The following CCDC180 variants were observed in gnomAD, a reference collection of about 807,000 sequenced individuals.
CCDC180 encodes coiled-coil domain-containing protein 180.
A neutral mutation model predicts 209.2 loss-of-function variants in CCDC180; 154 were observed. The ratio of observed to expected loss-of-function variants is 0.74; its 90% CI spans 0.65 to 0.84. The LOEUF (loss-of-function observed/expected upper bound fraction) is 0.84. Ranked by LOEUF, CCDC180 falls within the 40% of genes least tolerant of loss-of-function variation. The pLI is 0.00. For synonymous variants in CCDC180, 778 were observed against 749.1 expected, an observed-to-expected ratio of 1.04 and a Z score of -0.63; for missense variants, 1,874 against 1,997.3, an observed-to-expected ratio of 0.94 and a Z score of 1.18.
rs1833545225 is a variant in CCDC180 at position 97,326,688 on chromosome 9, A to G, written c.1661+19A>G. Reference sequence around the variant, plus strand: ...AATCCAGGTAGGCCAACCAGACTCCAGAAGGCAGGAAGGGATGGTCAGGAA... The same window carrying G: ...AATCCAGGTAGGCCAACCAGACTCCGGAAGGCAGGAAGGGATGGTCAGGAA... On this transcript the variant is annotated intron_variant, in intron 15 of 36. Coordinates refer to ENST00000529487, the MANE Select transcript of CCDC180 (RefSeq NM_020893.6). 2.7e-6 allele frequency: 4 copies of G among 1,475,778 alleles called. No individual in the cohort carries two copies. The highest frequency in any genetic ancestry group is 3.8e-6 in the Non-Finnish European group (4 of 1,053,862). The allele number at this position is 1,475,778 out of a possible 1,614,324, so 91.4% of individuals were successfully genotyped here. A position where few individuals can be genotyped will look rare whatever the true frequency, so the allele number is the denominator to read the frequency against.
chr9:97,330,716 G>C lies in CCDC180; in HGVS notation c.2223G>C (p.Glu741Asp). ...EEEEEEKLEE[E>D]KEEKEAQEEQ... Reference sequence around the variant, plus strand: ...AGGAGGAGGAGAAGCTGGAGGAAGAGAAGGAGGAGAAGGAGGCACAGGAAG... The same window carrying C: ...AGGAGGAGGAGAAGCTGGAGGAAGACAAGGAGGAGAAGGAGGCACAGGAAG... Residue 741 changes from glutamate (E) to aspartate (D), a missense_variant, in exon 18 of 37, where the codon GAG becomes GAC. Coordinates refer to ENST00000529487, the MANE Select transcript of CCDC180 (RefSeq NM_020893.6). 1 of 1,605,396 alleles carries C rather than the reference G, an allele frequency of 6.2e-7. No individual in the cohort carries two copies. The highest frequency in any genetic ancestry group is 1.1e-5 in the South Asian group (1 of 90,908).
Position 97,354,586 on chromosome 9 carries a change from G to A in CCDC180, c.3020G>A (p.Gly1007Asp), listed in dbSNP as rs958113186. 12 of 1,614,048 alleles carry A rather than the reference G, an allele frequency of 7.4e-6. No individual in the cohort carries two copies. Among genetic ancestry groups the A allele is most frequent in the Admixed American group, 3.3e-5 (2 of 60,006 alleles). Residue 1007 changes from glycine (G) to aspartate (D), a missense_variant, in exon 23 of 37, where the codon GGC becomes GAC. Transcript: ENST00000529487. ...ATTTTCAGATTGTTTTCAGAGGGAG[G>A]CAACTTTTCTCCTAAAGAAATCAAT... ...IKHCRLFSEG[G>D]NFSPKEINSL...
chr9:97,350,566 G>A lies in CCDC180; in HGVS notation c.3002+11G>A, dbSNP rs1160355920. 3.9e-6 allele frequency: 6 copies of A among 1,536,212 alleles called. No homozygotes were observed. The Admixed American group carries it at 7.8e-5, about 20-fold the overall frequency. On this transcript the variant is annotated intron_variant, in intron 22 of 36. Coordinates refer to ENST00000529487, the MANE Select transcript of CCDC180 (RefSeq NM_020893.6). Reference sequence around the variant, plus strand: ...CATCAAACACTGCAGGTGGGAGCCAGTGTCCAGGGCCTCTTCAGGCCACCT... The same window carrying A: ...CATCAAACACTGCAGGTGGGAGCCAATGTCCAGGGCCTCTTCAGGCCACCT...
At chr9:97,363,754 T>C in intron 28 of CCDC180, 2 of 530,866 alleles carry the variant, frequency 3.8e-6, no homozygotes, top group Non-Finnish European at 3.7e-6. Context: ...TGGGTCCTCA[T>C]CACGGGGAAG....
rs755111766 is a variant in CCDC180, at chr9:97,343,434, C to T, written c.2369C>T (p.Pro790Leu). The change falls in exon 19 of 37, where the codon CCC becomes CTC. Residue 790 changes from proline to leucine, a missense_variant. By Grantham distance (98) the Pro-to-Leu change is moderately conservative (BLOSUM62 -3). Coordinates refer to ENST00000529487, the MANE Select transcript of CCDC180 (RefSeq NM_020893.6). ...GGAAACACTTATTTTGTCTTTGTAC[C>T]CCTGGAAGAAGAGCATTGTAGGAAG... ...SSGNTYFVFVPLEEEHCRKSH... is the reference protein window; with the variant it reads ...SSGNTYFVFVLLEEEHCRKSH... 2 of 1,613,582 alleles carry T rather than the reference C, an allele frequency of 1.2e-6. No individual in the cohort carries two copies. The highest frequency in any genetic ancestry group is 1.3e-5 in the African/African-American group (1 of 74,844).
In CCDC180 at chr9:97,326,607, C is replaced by CA. The variant is rs1160827030; in HGVS notation, c.1602dup (p.Glu535ArgfsTer22). 86 of 1,613,810 alleles carry CA rather than the reference C, an allele frequency of 5.3e-5. 1 individual carries two copies. The Admixed American group carries it at 1.3e-3, about 24-fold the overall frequency. On this transcript the variant is annotated frameshift_variant, in exon 15 of 37. Transcript: ENST00000529487. LOFTEE classifies it high-confidence loss of function. ...TGGACCAACTGAGGCAGCAAAGTGACAAAGAAACACTGGCGTTTCACCTGG... is the reference window on the plus strand; with the variant it reads ...TGGACCAACTGAGGCAGCAAAGTGACAAAAGAAACACTGGCGTTTCACCTGG...
intron 28 of CCDC180, chr9:97,363,538 C>T (rs752155897): frequency 1.9e-5 from 10 of 516,050 alleles, no homozygotes; most frequent in Non-Finnish European, 4.0e-5. Flanking sequence ...CTAGGGCTGC[C>T]AGATAAAAGA....
rs775007694 is a variant in CCDC180, at chr9:97,354,624, C to T, written c.3058C>T (p.Arg1020Ter). The T allele has an allele frequency of 2.3e-5, 37 of 1,614,154 alleles. No homozygotes were observed. The highest frequency in any genetic ancestry group is 2.9e-5 in the Non-Finnish European group (34 of 1,179,994). Residue 1020 changes from arginine (R) to a stop codon, truncating the protein, a stop_gained, in exon 23 of 37, where the codon CGA (arginine) becomes TGA (stop). Transcript: ENST00000529487. LOFTEE classifies it high-confidence loss of function. Reference protein sequence around the residue: ...SPKEINSLCSRLEKEAARIEL... With the variant: ...SPKEINSLCS ...TAAAGAAATCAATTCACTGTGTTCC[C>T]GACTGGAGAAGGAAGCTGCCCGGAT...
intron 19 of CCDC180, 99 bp downstream of exon 19, chr9:97,343,662 G>A: frequency 1.1e-6 from 1 of 947,808 alleles, no homozygotes; most frequent in Admixed American, 2.8e-5. Flanking sequence ...GTATCAGTTG[G>A]ATAAAGAAAA....
At chr9:97,368,427 G>A (rs1826986364) in intron 31 of CCDC180, among the ~76,000 whole-genome samples, 1 of 152,156 alleles carries the variant, frequency 6.6e-6, no homozygotes, top group African/African-American at 2.4e-5. Flanking sequence ...GCCACCTATA[G>A]CTGGAACCCA....
Position 97,376,812 on chromosome 9 carries a change from G to A in CCDC180, c.4892G>A (p.Cys1631Tyr). The stretch of plus-strand genomic sequence containing the variant: ...GAGCTAAAGAGGATCCAGGATGACT[G>A]TACATCTCAGATAAAGGAGGCTCAG... ...EEELKRIQDD[C>Y]TSQIKEAQRW... Residue 1631 changes from cysteine to tyrosine, a missense_variant, in exon 37 of 37, where the codon TGT becomes TAT. Cys to Tyr is a radical substitution (Grantham distance 194). Coordinates refer to ENST00000529487, the MANE Select transcript of CCDC180 (RefSeq NM_020893.6). 1 of 1,613,532 alleles carries A rather than the reference G, an allele frequency of 6.2e-7. No homozygotes were observed. The highest frequency in any genetic ancestry group is 8.5e-7 in the Non-Finnish European group (1 of 1,179,960).
At chr9:97,315,043 G>T (rs1833118860) in intron 8 of CCDC180, 97 bp downstream of exon 8, 2 of 870,616 alleles carry the variant, frequency 2.3e-6, no homozygotes, top group African/African-American at 1.7e-5. Context: ...TCTCAGGAAT[G>T]GTGGGCTTCT....
rs772898541 is a variant in CCDC180, at chr9:97,357,621, T to A, written c.3265-6T>A. 1 of 1,606,964 alleles carries A rather than the reference T, an allele frequency of 6.2e-7. No homozygotes were observed. Among genetic ancestry groups the A allele is most frequent in the African/African-American group, 1.3e-5 (1 of 74,786 alleles). On this transcript the variant is annotated splice_region_variant and splice_polypyrimidine_tract_variant and intron_variant, in intron 24 of 36. Transcript: ENST00000529487. The stretch of plus-strand genomic sequence containing the variant: ...AAACAAAATCTCGGAACCTCTGGTT[T>A]TCTAGGTGGCAAAATCCAATTCGCA...
rs767923864 is a variant in CCDC180, at chr9:97,362,444, AG to A, written c.3902+5del. On this transcript the variant is annotated splice_donor_region_variant and intron_variant, in intron 28 of 36. Transcript: ENST00000529487. ...GCCAGTGCTACCTCTGCAGGCAGGTAGGACACAAAGCAGCCAGAATCGCCCC... is the reference window on the plus strand; with the variant it reads ...GCCAGTGCTACCTCTGCAGGCAGGTAGACACAAAGCAGCCAGAATCGCCCC... 1.1e-4 allele frequency: 173 copies of A among 1,612,532 alleles called. No homozygotes were observed. The highest frequency in any genetic ancestry group is 1.4e-4 in the Non-Finnish European group (161 of 1,179,044).
Position 97,355,865 on chromosome 9 carries a change from T to C in CCDC180, c.3264+857T>C, listed in dbSNP as rs535533023. On this transcript the variant is annotated intron_variant, in intron 24 of 36. Transcript: ENST00000529487. ...TGGGGAGTGAAGCATTCTGGAGAGA[T>C]GATGGAGAAAATCCAGGGGGCTGGA... is the stretch of plus-strand genomic sequence containing the variant. 2.0e-5 allele frequency among the ~76,000 whole-genome samples: 3 copies of C among 151,994 alleles called. No individual in the cohort carries two copies. In the South Asian group the frequency reaches 6.2e-4, roughly 32 times the overall value.
intron 18 of CCDC180, among the ~76,000 whole-genome samples, chr9:97,336,721 G>A (rs916963877): frequency 2.0e-5 from 3 of 152,150 alleles, no homozygotes; most frequent in African/African-American, 7.2e-5. Context: ...TAGCTTGATG[G>A]GGATGGCATT....
rs114104323 is a variant in CCDC180 at position 97,328,199 on chromosome 9, G to A, written c.1788+53G>A. 2,300 of 1,586,296 alleles carry A rather than the reference G, an allele frequency of 1.4e-3. 29 individuals are homozygous for A. The African/African-American group carries it at 0.027, about 19-fold the overall frequency. ...CCACTCATGAAGAAGCTAAGGGAGAGGCTGACTTCTTGTTATGATCTGCCT... is the reference window on the plus strand; with the variant it reads ...CCACTCATGAAGAAGCTAAGGGAGAAGCTGACTTCTTGTTATGATCTGCCT... On this transcript the variant is annotated intron_variant, in intron 16 of 36. Transcript: ENST00000529487.
chr9:97,327,767 T>C (rs1050680923), intron 15 of CCDC180, among the ~76,000 whole-genome samples: 3 of 152,118 alleles, frequency 2.0e-5, no homozygotes, highest in African/African-American at 7.2e-5. Context: ...AAGACAGAGT[T>C]AGGACCCTGG....
intron 10 of CCDC180, 126 bp from the exon 11 acceptor site, chr9:97,320,000 G>T: frequency 1.3e-6 from 1 of 753,694 alleles, no homozygotes; most frequent in East Asian, 2.5e-5. Flanking sequence ...ATCCCCAGCA[G>T]TTCCCTTTGT....
Sources: gnomAD v4.1 joint callset for allele counts (sites outside exome capture counted in the v4.1 genomes callset) on GRCh38, gnomAD v4.1.1 for gene constraint, MANE v1.5 for transcripts, NCBI Gene and HGNC (gene_info 2026-07-23, HGNC 2026-07-21) for gene names.